MYH11: variants seen among roughly 807,000 people sequenced by gnomAD.
MYH11 encodes the protein myosin heavy chain 11, also known as myosin-11.
MYH11 carries 80 observed loss-of-function variants against 246.6 expected under a neutral mutation model. The observed-to-expected ratio is 0.32, with a 90% confidence interval of 0.27 to 0.39. The LOEUF is 0.39. Among genes scored for constraint, MYH11 ranks in the 10% least tolerant of loss-of-function variants. MYH11 has a pLI of 1.00. For missense variants in MYH11, 2,158 were observed against 2,546.8 expected, an observed-to-expected ratio of 0.85 and a Z score of 3.29; for synonymous variants, 1,071 against 1,015.5, an observed-to-expected ratio of 1.05 and a Z score of -1.04.
chr16:15,793,209 A>AT (rs2042656309), intron 4 of MYH11, among the ~76,000 whole-genome samples: 1 of 152,180 alleles, frequency 6.6e-6, no homozygotes, highest in Admixed American at 6.5e-5. Flanking sequence ...TACTGGATGG[A>AT]TTACATGCTA....
chr16:15,712,035 A>G (rs1173284135), intron 40 of MYH11, among the ~76,000 whole-genome samples: 3 of 151,806 alleles, frequency 2.0e-5, no homozygotes, highest in South Asian at 4.2e-4. Context: ...TCTCCCATAG[A>G]TGGGATGTGG....
chr16:15,788,095 T>TTTTTTTTTTTTTTTTTTTTTTTTTA (rs11273419), intron 4 of MYH11, among the ~76,000 whole-genome samples: 1,047 of 99,328 alleles, frequency 0.011, 232 homozygotes, highest in East Asian at 0.049. Context: ...TTTTTTTTTT[T>TTTTTTTTTTTTTTTTTTTTTTTTTA]ACCAAGATGG....
intron 8 of MYH11, 79 bp downstream of exon 8, chr16:15,775,999 T>A: frequency 6.6e-6 from 7 of 1,060,648 alleles, no homozygotes; most frequent in Non-Finnish European, 1.0e-5. Flanking sequence ...ACTGTTTTAA[T>A]AGCCAATCCC....
chr16:15,742,682 G>A (rs1005428806), intron 20 of MYH11, among the ~76,000 whole-genome samples: 3 of 151,862 alleles, frequency 2.0e-5, no homozygotes, highest in Admixed American at 6.6e-5. Flanking sequence ...AGTGAGCCAC[G>A]ATTGTGCCAC....
At chr16:15,795,849 G>T (rs997924939) in intron 4 of MYH11, among the ~76,000 whole-genome samples, 4 of 152,174 alleles carry the variant, frequency 2.6e-5, no homozygotes, top group Non-Finnish European at 5.9e-5. Context: ...GAGGCTCAGA[G>T]AAGTGAACTG....
At chr16:15,782,048 A>C (rs1441110778) in intron 6 of MYH11, among the ~76,000 whole-genome samples, 1 of 152,106 alleles carries the variant, frequency 6.6e-6, no homozygotes, top group East Asian at 1.9e-4. Context: ...AATTTTTTAA[A>C]TTTTATTTTA....
At chr16:15,854,578 G>A (rs2044414094) in intron 1 of MYH11, among the ~76,000 whole-genome samples, 1 of 152,166 alleles carries the variant, frequency 6.6e-6, no homozygotes, top group Non-Finnish European at 1.5e-5. Flanking sequence ...ATCTCGCCAG[G>A]CAAAAGTGCC....
intron 38 of MYH11, among the ~76,000 whole-genome samples, chr16:15,715,697 T>G (rs190813623): frequency 6.2e-4 from 95 of 152,298 alleles, no homozygotes; most frequent in South Asian, 1.7e-3. Context: ...CTCCAATGCC[T>G]GCTCTTCACC....
intron 3 of MYH11, among the ~76,000 whole-genome samples, chr16:15,803,793 C>G (rs1452491138): frequency 6.6e-6 from 1 of 152,158 alleles, no homozygotes; most frequent in Non-Finnish European, 1.5e-5. Flanking sequence ...GCTCACAGGG[C>G]CCCCAGGAGA....
chr16:15,763,738 A>AGCTGGGGGGGCC, intron 10 of MYH11, 58 bp downstream of exon 10: 3 of 717,694 alleles, frequency 4.2e-6, no homozygotes, highest in East Asian at 2.8e-5. Flanking sequence ...GTTAAATGTC[A>AGCTGGGGGGGCC]CCTCCCCCAC....
chr16:15,767,247 T>C (rs1270442266), intron 9 of MYH11, among the ~76,000 whole-genome samples: 3 of 152,032 alleles, frequency 2.0e-5, no homozygotes, highest in African/African-American at 4.8e-5. Context: ...GAATAGAGGA[T>C]AGAGACTCTA....
intron 6 of MYH11, 26 bp from the exon 7 acceptor site, chr16:15,778,869 GCTTTGCTGCCCAA>G (rs752480630): frequency 6.2e-7 from 1 of 1,612,926 alleles, no homozygotes; most frequent in South Asian, 1.1e-5. Context: ...CACAGTTCAG[GCTTTGCTGCCCAA>G]CTTCAGCCGT....
intron 22 of MYH11, chr16:15,741,027 C>T: frequency 3.2e-6 from 1 of 313,622 alleles, no homozygotes; most frequent in East Asian, 8.3e-5. Context: ...GTCCTCCAGC[C>T]CCAGATGAGC....
chr16:15,759,500 A>T, intron 12 of MYH11, 76 bp downstream of exon 12: 1 of 1,604,536 alleles, frequency 6.2e-7, no homozygotes, highest in Non-Finnish European at 8.5e-7. Flanking sequence ...CCTTTCTCCA[A>T]AATCATGACT....
chr16:15,717,590 T>C (rs953037051), intron 37 of MYH11: 27 of 588,522 alleles, frequency 4.6e-5, no homozygotes, highest in Middle Eastern at 4.5e-4. Flanking sequence ...AGCTCAGGAG[T>C]TCGAGACCTG....
chr16:15,826,142 GTTCATTCA>G (rs112786889), intron 2 of MYH11, among the ~76,000 whole-genome samples: 125 of 151,032 alleles, frequency 8.3e-4, no homozygotes, highest in African/African-American at 1.1e-3. Flanking sequence ...CTGATCGTTC[GTTCATTCA>G]TTCATTCATT....
chr16:15,717,689 G>C (rs1216013358), intron 37 of MYH11: 1 of 394,278 alleles, frequency 2.5e-6, no homozygotes, highest in African/African-American at 2.0e-5. Context: ...CCAGCTACTT[G>C]GGAGGTTGAA....
At chr16:15,842,281 G>T (rs2044072824) in intron 1 of MYH11, among the ~76,000 whole-genome samples, 1 of 152,102 alleles carries the variant, frequency 6.6e-6, no homozygotes, top group South Asian at 2.1e-4. Flanking sequence ...AGCTACTCGG[G>T]AGGCTGAGGC....
In MYH11 at chr16:15,771,722, G is replaced by A. The variant is rs2042106329; in HGVS notation, c.890-10C>T. ...TCCAAAAGCAAGTCACCTAGAAGGA[G>A]AGGAAGACAGGTCAGGGTCAATAAG... On this transcript the variant is annotated splice_polypyrimidine_tract_variant and intron_variant, in intron 8 of 40. Coordinates refer to ENST00000300036, the MANE Select transcript of MYH11 (RefSeq NM_002474.3). 1 of 1,614,186 alleles carries A rather than the reference G, an allele frequency of 6.2e-7. No homozygotes were observed. Among genetic ancestry groups the A allele is most frequent in the Non-Finnish European group, 8.5e-7 (1 of 1,180,010 alleles).
Sources: gnomAD v4.1 joint callset for allele counts (sites outside exome capture counted in the v4.1 genomes callset) on GRCh38, gnomAD v4.1.1 for gene constraint, MANE v1.5 for transcripts, NCBI Gene and HGNC (gene_info 2026-07-23, HGNC 2026-07-21) for gene names.